CDHR3: variants seen among roughly 807,000 people sequenced by gnomAD.
CDHR3 encodes cadherin-related family member 3.
A neutral mutation model predicts 86.6 loss-of-function variants in CDHR3; 79 were observed. The observed-to-expected ratio is 0.91, with a 90% CI of 0.76 to 1.10. CDHR3 has a LOEUF of 1.10. Ranked by LOEUF, CDHR3 falls within the 50% of genes least tolerant of loss-of-function variation. CDHR3 has a pLI of 0.00. For missense variants in CDHR3, 1,081 were observed against 1,077.6 expected (o/e 1.00, Z -0.04); for synonymous variants, 421 against 402.4 (o/e 1.05, Z -0.55).
At chr7:106,026,737 T>C in intron 16 of CDHR3, 42 bp downstream of exon 16, 2 of 1,606,846 alleles carry the variant, frequency 1.2e-6, no homozygotes, top group Non-Finnish European at 1.7e-6. Context: ...GTTTTTTGCT[T>C]GCTCTGTTGT....
At chr7:105,973,222 G>A (rs373325495) in intron 1 of CDHR3, among the ~76,000 whole-genome samples, 3 of 152,178 alleles carry the variant, frequency 2.0e-5, no homozygotes, top group East Asian at 1.9e-4. Flanking sequence ...TTCCCCATCT[G>A]TAAAATGACA....
At chr7:106,015,084 T>C (rs371454677) in intron 9 of CDHR3, 27 bp from the exon 10 acceptor site, 13 of 1,530,802 alleles carry the variant, frequency 8.5e-6, no homozygotes, top group Non-Finnish European at 1.2e-5. Flanking sequence ...TTAATCTGTA[T>C]AATCTACTAT....
In CDHR3 at chr7:106,032,387, C is replaced by T. The variant is rs1208223407; in HGVS notation, c.2354-6C>T. 6.3e-6 allele frequency: 10 copies of T among 1,585,508 alleles called. No homozygotes were observed. The Admixed American group carries it at 1.1e-4, about 18-fold the overall frequency. ...TTATGTGATTGTTGTATTTTTTTTT[C>T]ACTAGTGACCGGGGAAACATATGAA... On this transcript the variant is annotated splice_region_variant and splice_polypyrimidine_tract_variant and intron_variant, in intron 18 of 18. Transcript: ENST00000317716.
intron 15 of CDHR3, 108 bp from the exon 16 acceptor site, chr7:106,026,574 C>A: frequency 1.8e-6 from 2 of 1,139,168 alleles, no homozygotes; most frequent in Non-Finnish European, 2.7e-6. Flanking sequence ...TTCAGTCAAC[C>A]CCTGTATCTC....
intron 8 of CDHR3, among the ~76,000 whole-genome samples, chr7:106,005,708 C>G (rs1833856877): frequency 1.3e-5 from 2 of 152,184 alleles, no homozygotes; most frequent in Admixed American, 1.3e-4. Flanking sequence ...ACCAGGATTG[C>G]CTAGGAGAAG....
chr7:105,989,063 C>G (rs911397678), intron 4 of CDHR3, among the ~76,000 whole-genome samples: 5 of 152,160 alleles, frequency 3.3e-5, no homozygotes, highest in African/African-American at 1.2e-4. Flanking sequence ...AGCATTGGTT[C>G]CCCCTTCCTG....
rs1270248928 is a variant in CDHR3, at chr7:106,015,090, ACTAT to A, written c.1225-18_1225-15del. On this transcript the variant is annotated splice_polypyrimidine_tract_variant and intron_variant, in intron 9 of 18. Transcript: ENST00000317716. ...TAGGATTGTTTAATCTGTATAATCT[ACTAT>A]CTCTGTTTTAATCTAGCTGATTGGT... is the stretch of plus-strand genomic sequence containing the variant. The A allele has an allele frequency of 1.3e-6, 2 of 1,549,270 alleles. No homozygotes were observed. The highest frequency in any genetic ancestry group is 2.3e-5 in the South Asian group (2 of 85,480).
At position 106,015,202 on chromosome 7, in the gene CDHR3, C is replaced by CT. The variant is rs747038914; in HGVS notation, c.1318dup (p.Tyr440LeufsTer3). 6.2e-7 allele frequency: 1 copy of CT among 1,607,774 alleles called. No homozygotes were observed. Among genetic ancestry groups the CT allele is most frequent in the East Asian group, 2.2e-5 (1 of 44,726 alleles). On this transcript the variant is annotated frameshift_variant, in exon 10 of 19. Coordinates refer to ENST00000317716, the MANE Select transcript of CDHR3 (RefSeq NM_152750.5). LOFTEE classifies it high-confidence loss of function. The stretch of plus-strand genomic sequence containing the variant: ...ATCCAGGTGCAGGATGTGGCCCCCC[C>CT]TTACTATAAAAGCAAGTATCATTTT...
chr7:106,005,915 TG>T (rs1833884477), intron 8 of CDHR3, among the ~76,000 whole-genome samples: 1 of 152,214 alleles, frequency 6.6e-6, no homozygotes, highest in Non-Finnish European at 1.5e-5. Flanking sequence ...GACGCTGACC[TG>T]GATGGATACC....
At chr7:106,001,336 C>T in intron 6 of CDHR3, 126 bp from the exon 7 acceptor site, 2 of 970,680 alleles carry the variant, frequency 2.1e-6, no homozygotes, top group Non-Finnish European at 3.1e-6. Flanking sequence ...TGCTCTCCCT[C>T]TGAGCATGTT....
intron 8 of CDHR3, among the ~76,000 whole-genome samples, chr7:106,006,411 G>T (rs892098445): frequency 6.6e-6 from 1 of 152,130 alleles, no homozygotes; most frequent in Non-Finnish European, 1.5e-5. Flanking sequence ...AGTCTCATCC[G>T]AGACAAGGCA....
chr7:106,006,034 C>T (rs1245339728), intron 8 of CDHR3, among the ~76,000 whole-genome samples: 2 of 152,206 alleles, frequency 1.3e-5, no homozygotes, highest in Non-Finnish European at 2.9e-5. Context: ...GGGGAAGCCT[C>T]ACAATCATGG....
Position 106,026,700 on chromosome 7 carries a change from G to A in CDHR3, c.2272+5G>A, listed in dbSNP as rs1239152416. 2 of 1,613,718 alleles carry A rather than the reference G, an allele frequency of 1.2e-6. No homozygotes were observed. The highest frequency in any genetic ancestry group is 1.1e-5 in the South Asian group (1 of 91,082). ...CCCATAGGACAAAGAAAGGAGGTAT[G>A]TACAGTACCTGTTTCCCTTGTCTGT... On this transcript the variant is annotated splice_donor_5th_base_variant and intron_variant, in intron 16 of 18. Coordinates refer to ENST00000317716, the MANE Select transcript of CDHR3 (RefSeq NM_152750.5).
intron 8 of CDHR3, among the ~76,000 whole-genome samples, chr7:106,009,909 GA>G (rs1258594687): frequency 6.6e-6 from 1 of 152,258 alleles, no homozygotes; most frequent in Non-Finnish European, 1.5e-5. Context: ...CATGGGGAGA[GA>G]AACATGGTCT....
Position 106,032,911 on chromosome 7 carries a change from A to AAATGATAGAAAATGT in CDHR3, c.*214_*215insAATGATAGAAAATGT. 1 of 547,272 alleles carries AAATGATAGAAAATGT rather than the reference A, an allele frequency of 1.8e-6. No homozygotes were observed. Among genetic ancestry groups the AAATGATAGAAAATGT allele is most frequent in the Non-Finnish European group, 3.2e-6 (1 of 311,104 alleles). The allele number at this position is 547,272 out of a possible 1,614,324, so 33.9% of individuals were successfully genotyped here. A position where few individuals can be genotyped will look rare whatever the true frequency, so the allele number is the denominator to read the frequency against. On this transcript the variant is annotated 3_prime_UTR_variant, in exon 19 of 19. Transcript: ENST00000317716. ...CTGAAATGATACAGGAACATTTTCT[A>AAATGATAGAAAATGT]TCAGATTTCAGAACTACCTGTGCTT...
chr7:105,967,051 CTCATTAACTCA>C (rs1224230137), intron 1 of CDHR3, among the ~76,000 whole-genome samples: 1 of 151,948 alleles, frequency 6.6e-6, no homozygotes, highest in African/African-American at 2.4e-5. Context: ...GTGTGCTGCA[CTCATTAACTCA>C]TCATTTACAT....
intron 1 of CDHR3, among the ~76,000 whole-genome samples, chr7:105,964,289 C>A (rs1413462316): frequency 1.3e-5 from 2 of 152,068 alleles, no homozygotes; most frequent in South Asian, 4.1e-4. Flanking sequence ...TAAATGGAAT[C>A]TCTTCTTCCC....
chr7:106,000,502 C>G (rs147673355), intron 6 of CDHR3, among the ~76,000 whole-genome samples: 1 of 152,164 alleles, frequency 6.6e-6, no homozygotes, highest in South Asian at 2.1e-4. Context: ...GTACTATACC[C>G]CTTTCAAAGA....
chr7:106,004,511 C>A lies in CDHR3; in HGVS notation c.876C>A (p.Ile292=). ...YFMINQLTGT[I]QVAQRIDRDA... ...TTGCTTTCTCAGTGACTGGTACAAT[C>A]CAAGTGGCCCAAAGGATAGACCGAG... is the stretch of plus-strand genomic sequence containing the variant. Residue 292 remains isoleucine (I), a synonymous_variant, in exon 8 of 19, where the codon ATC becomes ATA. Transcript: ENST00000317716. The A allele has an allele frequency of 6.2e-7, 1 of 1,613,894 alleles. No individual in the cohort carries two copies. Among genetic ancestry groups the A allele is most frequent in the Non-Finnish European group, 8.5e-7 (1 of 1,179,802 alleles).
Sources: gnomAD v4.1 joint callset for allele counts (sites outside exome capture counted in the v4.1 genomes callset) on GRCh38, gnomAD v4.1.1 for gene constraint, MANE v1.5 for transcripts, NCBI Gene and HGNC (gene_info 2026-07-23, HGNC 2026-07-21) for gene names.